Variants in PTPRS observed in about 807,000 individuals in gnomAD.
The protein encoded by PTPRS is receptor-type tyrosine-protein phosphatase S.
A neutral mutation model predicts 215.3 loss-of-function variants in PTPRS; 63 were observed. The ratio of observed to expected loss-of-function variants is 0.29; its 90% CI spans 0.24 to 0.36. The LOEUF is 0.36. Among genes scored for constraint, PTPRS ranks in the 10% least tolerant of loss-of-function variants. The pLI is 1.00. For missense variants in PTPRS, 2,258 were observed against 2,825.8 expected (o/e 0.80, Z 4.56); for synonymous variants, 1,404 against 1,191.4 (o/e 1.18, Z -3.68).
At position 5,234,197 on chromosome 19, in the gene PTPRS, G is replaced by A. The variant is rs73543293; in HGVS notation, c.1850-2582C>T. Among the ~76,000 whole-genome samples, 807 of 152,108 alleles carry A rather than the reference G, an allele frequency of 5.3e-3. 9 individuals carry two copies. Among genetic ancestry groups the A allele is most frequent in the African/African-American group, 0.019 (774 of 41,490 alleles). ...CTTGTAGTAAAAGCATTTATTTACTGAACACTTGTGCTACCAGGGACCCAA... is the reference window on the plus strand; with the variant it reads ...CTTGTAGTAAAAGCATTTATTTACTAAACACTTGTGCTACCAGGGACCCAA... On this transcript the variant is annotated intron_variant, in intron 13 of 37. Transcript: ENST00000262963.
In PTPRS at chr19:5,206,606, T is replaced by TG. The variant is rs907905546; in HGVS notation, c.*167dup. The TG allele has an allele frequency of 1.3e-4, 67 of 508,182 alleles. No individual in the cohort carries two copies. The highest frequency in any genetic ancestry group is 1.2e-4 in the African/African-American group (6 of 49,966). The allele number at this position is 508,182 out of a possible 1,614,324, so 31.5% of individuals were successfully genotyped here. A position where few individuals can be genotyped will look rare whatever the true frequency, so the allele number is the denominator to read the frequency against. On this transcript the variant is annotated 3_prime_UTR_variant, in exon 38 of 38. Transcript: ENST00000262963. ...AGGTCGCTGGGGCGGCCGGGGCCGG[T>TG]GGGGGGGCTCGAGGGGCTGCGTCGT...
intron 11 of PTPRS, among the ~76,000 whole-genome samples, chr19:5,242,321 T>C (rs1011326012): frequency 6.6e-6 from 1 of 152,242 alleles, no homozygotes; most frequent in African/African-American, 2.4e-5. Context: ...CTTAGCCCTA[T>C]GGGCTTGTCA....
chr19:5,268,143 C>A (rs2046584726), intron 4 of PTPRS, among the ~76,000 whole-genome samples: 1 of 152,034 alleles, frequency 6.6e-6, no homozygotes, highest in Non-Finnish European at 1.5e-5. Flanking sequence ...GCACTCCAGC[C>A]TGGGCGACAG....
Position 5,286,185 on chromosome 19 carries a change from C to A in PTPRS, c.-45G>T. The stretch of plus-strand genomic sequence containing the variant: ...TCTCCGCCCTGGAGGGGGATGGCCC[C>A]CCGGTCCCTCACAGAGAGGCCTCGA... On this transcript the variant is annotated 5_prime_UTR_variant, in exon 2 of 38. Transcript: ENST00000262963. 1 of 1,602,460 alleles carries A rather than the reference C, an allele frequency of 6.2e-7. No individual in the cohort carries two copies. The highest frequency in any genetic ancestry group is 8.5e-7 in the Non-Finnish European group (1 of 1,174,414).
rs372841763 is a variant in PTPRS, at chr19:5,220,382, G to T, written c.3456-29C>A. The T allele has an allele frequency of 1.0e-4, 160 of 1,580,616 alleles. 1 individual carries two copies. In the African/African-American group the frequency reaches 1.9e-3, roughly 19 times the overall value. On this transcript the variant is annotated intron_variant, in intron 20 of 37. Transcript: ENST00000262963. ...TAGGGAGATGGGAAAGAGTCAGAGG[G>T]GCTGTCGATAGGGATGACCAAGGGA...
At chr19:5,252,530 T>C (rs1224149849) in intron 9 of PTPRS, among the ~76,000 whole-genome samples, 1 of 140,776 alleles carries the variant, frequency 7.1e-6, no homozygotes, top group Non-Finnish European at 1.5e-5. Context: ...TGAGCCGAGA[T>C]TGCGCCACTG....
Position 5,237,347 on chromosome 19 carries a change from C to T in PTPRS, c.1849+1572G>A, listed in dbSNP as rs1391707427. Among the ~76,000 whole-genome samples, 1 of 152,238 alleles carries T rather than the reference C, an allele frequency of 6.6e-6. No individual in the cohort carries two copies. The highest frequency in any genetic ancestry group is 2.1e-4 in the South Asian group (1 of 4,830). ...CTTTGCTGTCGGTTCTCCTGGGCCC[C>T]ACCCGTCTCGGGGCAAGAAGCGGGG... is the stretch of plus-strand genomic sequence containing the variant. On this transcript the variant is annotated intron_variant, in intron 13 of 37. Coordinates refer to ENST00000262963, the MANE Select transcript of PTPRS (RefSeq NM_002850.4). This position sits in a 1 kb window ranked among gnomAD's most constrained non-coding sequence, Gnocchi z 4.2.
chr19:5,313,396 A>G (rs2049771006), intron 1 of PTPRS, among the ~76,000 whole-genome samples: 1 of 152,238 alleles, frequency 6.6e-6, no homozygotes, highest in African/African-American at 2.4e-5. Context: ...GATGGGTTGG[A>G]CAATGCTCTC....
chr19:5,301,051 T>A (rs2049287885), intron 1 of PTPRS, among the ~76,000 whole-genome samples: 1 of 152,218 alleles, frequency 6.6e-6, no homozygotes. Flanking sequence ...GCCACATTGC[T>A]GGGCTTTGAA....
intron 1 of PTPRS, among the ~76,000 whole-genome samples, chr19:5,306,147 G>GTTT: frequency 8.3e-6 from 1 of 120,524 alleles, no homozygotes. Flanking sequence ...AATACAGGGT[G>GTTT]ATTTTTTTTT....
intron 31 of PTPRS, 34 bp downstream of exon 31, chr19:5,212,303 G>C (rs745600940): frequency 9.9e-6 from 16 of 1,609,918 alleles, no homozygotes; most frequent in Non-Finnish European, 1.3e-5. Flanking sequence ...GGGGACCGGG[G>C]GGAAGCGGAT....
chr19:5,286,017 C>T, intron 2 of PTPRS, 33 bp downstream of exon 2: 1 of 1,589,850 alleles, frequency 6.3e-7, no homozygotes, highest in African/African-American at 1.3e-5. Flanking sequence ...AACAAACACG[C>T]AGACCCCTGC....
At chr19:5,303,259 T>C (rs2049361257) in intron 1 of PTPRS, among the ~76,000 whole-genome samples, 2 of 152,076 alleles carry the variant, frequency 1.3e-5, no homozygotes, top group African/African-American at 4.8e-5. Flanking sequence ...CTGATTTTTG[T>C]GGGTCTGAAG....
chr19:5,225,866 A>G lies in PTPRS; in HGVS notation c.2377-22T>C, dbSNP rs752587356. ...TCTCCTGCAGGCACGGCTGGGGGTC[A>G]GCACGACGGCTGGGGCTGGGAGCAG... On this transcript the variant is annotated intron_variant, in intron 16 of 37. Transcript: ENST00000262963. 1.9e-6 allele frequency: 3 copies of G among 1,600,516 alleles called. No individual in the cohort carries two copies. The South Asian group carries it at 3.3e-5, about 18-fold the overall frequency.
intron 4 of PTPRS, chr19:5,273,054 T>G (rs992710095): frequency 1.9e-5 from 5 of 269,724 alleles, no homozygotes; most frequent in East Asian, 9.8e-5. Flanking sequence ...AGACAGAGAG[T>G]GAGCTCTGAG....
chr19:5,337,746 C>A (rs954282577), intron 1 of PTPRS, among the ~76,000 whole-genome samples: 3 of 152,142 alleles, frequency 2.0e-5, no homozygotes, highest in African/African-American at 7.2e-5. Context: ...ACCACGAAAT[C>A]CCTGGCATCC....
intron 1 of PTPRS, among the ~76,000 whole-genome samples, chr19:5,321,895 T>C (rs1239595734): frequency 1.3e-5 from 2 of 151,618 alleles, no homozygotes. Context: ...ACTGTCTTCA[T>C]TTCCACATAG....
rs1448544503 is a variant in PTPRS, at chr19:5,257,316, G to C, written c.706+701C>G. The C allele has an allele frequency of 2.1e-5, 9 of 419,638 alleles. No homozygotes were observed. Among genetic ancestry groups the C allele is most frequent in the African/African-American group, 1.6e-4 (8 of 48,974 alleles). 26.0% of individuals were successfully genotyped at this position (419,638 alleles called of 1,614,324 possible). Reference sequence around the variant, plus strand: ...TGACTGAGTGGGAATTGGAAACTGAGAGTAACAAGCTTCGCTGGGTGCCGT... The same window carrying C: ...TGACTGAGTGGGAATTGGAAACTGACAGTAACAAGCTTCGCTGGGTGCCGT... On this transcript the variant is annotated intron_variant, in intron 8 of 37. Coordinates refer to ENST00000262963, the MANE Select transcript of PTPRS (RefSeq NM_002850.4). The surrounding 1 kb of genome is among the most constrained non-coding windows in gnomAD (Gnocchi z 4.4).
chr19:5,264,357 T>C (rs1292527394), intron 5 of PTPRS, among the ~76,000 whole-genome samples: 1 of 152,182 alleles, frequency 6.6e-6, no homozygotes, highest in Non-Finnish European at 1.5e-5. Flanking sequence ...CCACCTTCCA[T>C]AGCTCCCTAT....
Sources: allele counts gnomAD v4.1 joint callset (sites outside exome capture counted in the v4.1 genomes callset), GRCh38; gene constraint gnomAD v4.1.1; non-coding constraint Gnocchi (gnomAD v3.1); transcripts MANE v1.5; gene names NCBI Gene and HGNC (gene_info 2026-07-23, HGNC 2026-07-21).